Variants in CNTNAP3 observed in about 807,000 individuals in gnomAD.
CNTNAP3 encodes the protein contactin-associated protein-like 3.
CNTNAP3 carries 36 observed loss-of-function variants against 92.1 expected under a neutral mutation model. The observed-to-expected ratio is 0.39, with a 90% CI of 0.30 to 0.52. The LOEUF is 0.52. Ranked by LOEUF, CNTNAP3 falls within the 20% of genes least tolerant of loss-of-function variation. The probability of loss-of-function intolerance (pLI) is 0.76; values close to 1 mark genes in which losing one functional copy is unlikely to be tolerated. For missense variants in CNTNAP3, 534 were observed against 1,069.6 expected, an observed-to-expected ratio of 0.50 and a Z score of 6.98; for synonymous variants, 232 against 422.3, an observed-to-expected ratio of 0.55 and a Z score of 5.53.
chr9:39,207,738 A>AT (rs1023117827), intron 3 of CNTNAP3, among the ~76,000 whole-genome samples: 12 of 1,118 alleles, frequency 0.011, no homozygotes, highest in African/African-American at 0.02. Flanking sequence ...TAATGTCTTA[A>AT]ATTGGCATGT....
Position 39,085,825 on chromosome 9 carries a change from T to C in CNTNAP3, c.3355-2A>G. Reference sequence around the variant, plus strand: ...TTGTTTCTTTGTGCTCTGGTTAACCTATTAGATGTCCCATGAGAAGCAAAC... The same window carrying C: ...TTGTTTCTTTGTGCTCTGGTTAACCCATTAGATGTCCCATGAGAAGCAAAC... On this transcript the variant is annotated splice_acceptor_variant, in intron 20 of 23. Transcript: ENST00000297668. LOFTEE classifies it high-confidence loss of function. 1 of 1,554,952 alleles carries C rather than the reference T, an allele frequency of 6.4e-7. No homozygotes were observed. Among genetic ancestry groups the C allele is most frequent in the Non-Finnish European group, 8.8e-7 (1 of 1,135,256 alleles).
In CNTNAP3 at chr9:39,067,507, C is replaced by G. The variant is rs1412593503; in HGVS notation, c.*6383G>C. 2.6e-5 allele frequency among the ~76,000 whole-genome samples: 4 copies of G among 152,308 alleles called. No homozygotes were observed. Among genetic ancestry groups the G allele is most frequent in the Admixed American group, 6.5e-5 (1 of 15,294 alleles). On this transcript the variant is annotated 3_prime_UTR_variant, in exon 24 of 24. Transcript: ENST00000297668. The stretch of plus-strand genomic sequence containing the variant: ...CTGCCTCCCGGGTTCATGCCATTCT[C>G]CTGCCCCAGCCTCCCGAGTAGCTGG...
chr9:39,132,880 G>A (rs1401943356), intron 13 of CNTNAP3, 52 bp downstream of exon 13: 14 of 1,499,888 alleles, frequency 9.3e-6, no homozygotes, highest in African/African-American at 1.4e-5. Flanking sequence ...CGCAGCCCGA[G>A]GGCCGCGCCC....
At chr9:39,100,468 T>C (rs1426528567) in intron 17 of CNTNAP3, among the ~76,000 whole-genome samples, 2 of 152,174 alleles carry the variant, frequency 1.3e-5, no homozygotes, top group African/African-American at 2.4e-5. Context: ...ATAAACCACA[T>C]CAAACACTAT....
At chr9:39,148,128 C>T (rs1428545523) in intron 10 of CNTNAP3, among the ~76,000 whole-genome samples, 9 of 151,898 alleles carry the variant, frequency 5.9e-5, no homozygotes, top group Admixed American at 3.9e-4. Flanking sequence ...ACCCTTCCCA[C>T]GACTACAGAG....
intron 10 of CNTNAP3, among the ~76,000 whole-genome samples, chr9:39,147,427 GT>G (rs956439403): frequency 1.1e-4 from 16 of 152,228 alleles, no homozygotes; most frequent in African/African-American, 3.9e-4. Context: ...GTCATTTTGT[GT>G]CCCCAAAGTT....
chr9:39,096,995 T>C (rs1476709107), intron 18 of CNTNAP3, among the ~76,000 whole-genome samples: 1 of 90,440 alleles, frequency 1.1e-5, no homozygotes, highest in Non-Finnish European at 2.4e-5. Context: ...GTATTTTCAA[T>C]TACGTATATA....
At position 39,145,055 on chromosome 9, in the gene CNTNAP3, G is replaced by C. The variant is rs1324249352; in HGVS notation, c.1650-709C>G. 1.4e-5 allele frequency among the ~76,000 whole-genome samples: 2 copies of C among 140,326 alleles called. 1 individual carries two copies. Among genetic ancestry groups the C allele is most frequent in the Non-Finnish European group, 3.2e-5 (2 of 62,610 alleles). 92.1% of individuals were successfully genotyped at this position (140,326 alleles called of 152,430 possible). A position where few individuals can be genotyped will look rare whatever the true frequency, so the allele number is the denominator to read the frequency against. On this transcript the variant is annotated intron_variant, in intron 10 of 23. Coordinates refer to ENST00000297668, the MANE Select transcript of CNTNAP3 (RefSeq NM_033655.5). Reference sequence around the variant, plus strand: ...CAATCTTGAAAAAGAACAGTTGGAGGTCTCACACTTTCAGAATTCTTGGAA... The same window carrying C: ...CAATCTTGAAAAAGAACAGTTGGAGCTCTCACACTTTCAGAATTCTTGGAA...
intron 14 of CNTNAP3, among the ~76,000 whole-genome samples, chr9:39,114,078 A>G (rs1005438309): frequency 6.9e-6 from 1 of 144,742 alleles, no homozygotes; most frequent in Non-Finnish European, 1.5e-5. Context: ...ACACACACAC[A>G]TACTTTTTTT....
At chr9:39,078,595 G>A (rs1173705815) in intron 22 of CNTNAP3, 95 bp downstream of exon 22, 1 of 1,547,522 alleles carries the variant, frequency 6.5e-7, no homozygotes, top group Non-Finnish European at 8.7e-7. Flanking sequence ...AAAAAAAGAA[G>A]GATGACAGAG....
At chr9:39,093,590 T>C (rs185457702) in intron 18 of CNTNAP3, among the ~76,000 whole-genome samples, 6 of 151,590 alleles carry the variant, frequency 4.0e-5, no homozygotes, top group African/African-American at 1.4e-4. Context: ...ATTTGTCTAT[T>C]GATATCTAGT....
At chr9:39,076,096 C>G (rs1475864483) in intron 23 of CNTNAP3, among the ~76,000 whole-genome samples, 2 of 152,406 alleles carry the variant, frequency 1.3e-5, no homozygotes, top group Admixed American at 6.5e-5. Flanking sequence ...AATTTCTCAG[C>G]GGAAGAGAAC....
intron 11 of CNTNAP3, among the ~76,000 whole-genome samples, chr9:39,140,931 AG>A (rs1821559461): frequency 6.6e-6 from 1 of 152,234 alleles, no homozygotes; most frequent in African/African-American, 2.4e-5. Context: ...TTGAGGAAGA[AG>A]GAAAGATTGT....
chr9:39,142,671 CA>C (rs560924846), intron 11 of CNTNAP3, among the ~76,000 whole-genome samples: 20,222 of 102,504 alleles, frequency 0.2, 1,558 homozygotes, highest in Non-Finnish European at 0.24. Flanking sequence ...GACTCCGTCT[CA>C]AAAAAAAAAA....
At chr9:39,141,076 T>G (rs914920415) in intron 11 of CNTNAP3, among the ~76,000 whole-genome samples, 1 of 152,196 alleles carries the variant, frequency 6.6e-6, no homozygotes, top group African/African-American at 2.4e-5. Flanking sequence ...CAAGAAAGCA[T>G]GCAAACTCTG....
chr9:39,118,547 C>CA (rs1221840477), intron 13 of CNTNAP3, among the ~76,000 whole-genome samples: 4 of 151,840 alleles, frequency 2.6e-5, no homozygotes, highest in East Asian at 1.9e-4. Flanking sequence ...AAATAACATT[C>CA]AAAAAAATTC....
rs1358178082 is a variant in CNTNAP3 at position 39,090,101 on chromosome 9, G to A, written c.2996-1454C>T. On this transcript the variant is annotated intron_variant, in intron 18 of 23. Coordinates refer to ENST00000297668, the MANE Select transcript of CNTNAP3 (RefSeq NM_033655.5). Reference sequence around the variant, plus strand: ...ACTACAGGCGCCCGCCACTACGCGTGGCTAATTTTTTGTATTTTTAGTAGA... The same window carrying A: ...ACTACAGGCGCCCGCCACTACGCGTAGCTAATTTTTTGTATTTTTAGTAGA... 2.0e-5 allele frequency among the ~76,000 whole-genome samples: 3 copies of A among 152,018 alleles called. 1 individual carries two copies. Among genetic ancestry groups the A allele is most frequent in the Non-Finnish European group, 2.9e-5 (2 of 68,008 alleles).
At position 39,092,356 on chromosome 9, in the gene CNTNAP3, A is replaced by G. The variant is rs1328134459; in HGVS notation, c.2996-3709T>C. 1.4e-5 allele frequency among the ~76,000 whole-genome samples: 2 copies of G among 138,846 alleles called. 1 individual carries two copies. The highest frequency in any genetic ancestry group is 5.3e-5 in the African/African-American group (2 of 38,022). 91.1% of individuals were successfully genotyped at this position (138,846 alleles called of 152,430 possible). A position where few individuals can be genotyped will look rare whatever the true frequency, so the allele number is the denominator to read the frequency against. On this transcript the variant is annotated intron_variant, in intron 18 of 23. Transcript: ENST00000297668. Reference sequence around the variant, plus strand: ...AGGTCAGGTTTTTTATTTGGGAACCATTTTTCTTTTTGAATATTGATGTTT... The same window carrying G: ...AGGTCAGGTTTTTTATTTGGGAACCGTTTTTCTTTTTGAATATTGATGTTT...
chr9:39,106,588 C>G (rs559380949), intron 15 of CNTNAP3: 2 of 152,126 alleles, frequency 1.3e-5, no homozygotes, highest in Non-Finnish European at 2.9e-5. Flanking sequence ...TTTCTCTTCT[C>G]CATACTTTCA....
Sources: gnomAD v4.1 joint callset for allele counts (sites outside exome capture counted in the v4.1 genomes callset) on GRCh38, gnomAD v4.1.1 for gene constraint, MANE v1.5 for transcripts, NCBI Gene and HGNC (gene_info 2026-07-23, HGNC 2026-07-21) for gene names.